The following MED24 variants were observed in gnomAD, a reference collection of about 807,000 sequenced individuals.
The protein encoded by MED24 is mediator complex subunit 24.
In MED24, 74 loss-of-function variants were observed where a neutral mutation model predicts 118.8. The ratio of observed to expected loss-of-function variants is 0.62; its 90% CI spans 0.52 to 0.76. The LOEUF is 0.76. Among genes scored for constraint, MED24 ranks in the 30% least tolerant of loss-of-function variants. The pLI is 0.00. For synonymous variants in MED24, 521 were observed against 523.9 expected (o/e 0.99, Z 0.08); for missense variants, 1,041 against 1,278.9 (o/e 0.81, Z 2.84).
At chr17:40,024,864 T>C (rs1475076030) in intron 19 of MED24, among the ~76,000 whole-genome samples, 1 of 152,084 alleles carries the variant, frequency 6.6e-6, no homozygotes, top group Admixed American at 6.5e-5. Context: ...GCCTCCCAAG[T>C]AGCTGGGATT....
At chr17:40,036,462 G>A (rs1325452689) in intron 3 of MED24, among the ~76,000 whole-genome samples, 2 of 152,092 alleles carry the variant, frequency 1.3e-5, no homozygotes, top group African/African-American at 2.4e-5. Flanking sequence ...AGGCCGAGGC[G>A]GGCGGATCAC....
At chr17:40,027,722 G>A in intron 15 of MED24, 187 bp downstream of exon 15, 1 of 717,064 alleles carries the variant, frequency 1.4e-6, no homozygotes, top group Non-Finnish European at 2.3e-6. Flanking sequence ...CACAGGGATG[G>A]TCTGGGAAGA....
chr17:40,049,433 C>G (rs113529370), intron 3 of MED24, among the ~76,000 whole-genome samples: 1 of 152,238 alleles, frequency 6.6e-6, no homozygotes, highest in Non-Finnish European at 1.5e-5. Flanking sequence ...ATTGTTCACA[C>G]TGGACTGGGT....
At chr17:40,021,868 C>G (rs1982053228) in intron 23 of MED24, 87 bp downstream of exon 23, 2 of 986,230 alleles carry the variant, frequency 2.0e-6, no homozygotes, top group African/African-American at 3.3e-5. Flanking sequence ...TGCAAAGATG[C>G]CTGCAGCTGG....
intron 5 of MED24, 95 bp downstream of exon 5, chr17:40,035,627 C>T: frequency 5.1e-6 from 7 of 1,366,148 alleles, no homozygotes; most frequent in Admixed American, 2.0e-5. Flanking sequence ...CGTTGGAACC[C>T]GGAGTTGGTC....
intron 24 of MED24, 161 bp from the exon 25 acceptor site, chr17:40,020,094 G>A (rs1426533543): frequency 3.0e-6 from 3 of 1,005,600 alleles, no homozygotes; most frequent in Non-Finnish European, 4.5e-6. Context: ...AATTGGGGAG[G>A]GGAGGAGGGG....
At chr17:40,032,882 C>G in intron 8 of MED24, 120 bp from the exon 9 acceptor site, 1 of 1,314,886 alleles carries the variant, frequency 7.6e-7, no homozygotes, top group Non-Finnish European at 1.1e-6. Context: ...CAGCTATGTG[C>G]TGAGAACCAG....
At position 40,022,716 on chromosome 17, in the gene MED24, G is replaced by A; in HGVS notation, c.2361C>T (p.Ile787=). The A allele has an allele frequency of 6.2e-7, 1 of 1,613,986 alleles. No homozygotes were observed. Among genetic ancestry groups the A allele is most frequent in the Non-Finnish European group, 8.5e-7 (1 of 1,179,982 alleles). The part of the protein sequence containing the change: ...QQVTLVLLGH[I]LPGLLTDSSK... Reference sequence around the variant, plus strand: ...AGGAGTCAGTGAGCAGGCCAGGTAGGATGTGGCCCAGCAGGACCAGGGTCA... The same window carrying A: ...AGGAGTCAGTGAGCAGGCCAGGTAGAATGTGGCCCAGCAGGACCAGGGTCA... Residue 787 remains isoleucine (I), a synonymous_variant, in exon 21 of 26, where the codon ATC becomes ATT. Coordinates refer to ENST00000394128, the MANE Select transcript of MED24 (RefSeq NM_014815.4).
At position 40,019,961 on chromosome 17, in the gene MED24, G is replaced by A; in HGVS notation, c.2705-28C>T. 1.9e-6 allele frequency: 3 copies of A among 1,555,084 alleles called. No homozygotes were observed. In the South Asian group the frequency reaches 3.6e-5, roughly 18 times the overall value. ...GTAGAGAGTGGGGGGAGAGTGACAG[G>A]AGGGAGTTCCATGAGAGTGGGTGAG... On this transcript the variant is annotated intron_variant, in intron 24 of 25. Coordinates refer to ENST00000394128, the MANE Select transcript of MED24 (RefSeq NM_014815.4).
chr17:40,020,050 A>C (rs1036342470), intron 24 of MED24, 117 bp from the exon 25 acceptor site: 3 of 1,292,826 alleles, frequency 2.3e-6, no homozygotes, highest in Admixed American at 2.0e-5. Flanking sequence ...CATGTCCCCA[A>C]AATGGGGTGT....
chr17:40,025,982 G>A (rs1982599505), intron 19 of MED24, among the ~76,000 whole-genome samples, 174 bp downstream of exon 19: 1 of 152,228 alleles, frequency 6.6e-6, no homozygotes, highest in African/African-American at 2.4e-5. Flanking sequence ...TTCTGCCACA[G>A]AGACACAGTA....
chr17:40,032,126 C>A, intron 9 of MED24, 36 bp from the exon 10 acceptor site: 1 of 1,606,920 alleles, frequency 6.2e-7, no homozygotes, highest in South Asian at 1.1e-5. Flanking sequence ...CAGGAAGATC[C>A]ATTTCTTTTC....
At chr17:40,038,986 G>A (rs933046912) in intron 3 of MED24, among the ~76,000 whole-genome samples, 3 of 152,252 alleles carry the variant, frequency 2.0e-5, no homozygotes, top group Middle Eastern at 3.4e-3. Context: ...TCCGGCGAGC[G>A]TTTTGTTTAT....
At chr17:40,049,270 A>C (rs1250951327) in intron 3 of MED24, among the ~76,000 whole-genome samples, 1 of 152,232 alleles carries the variant, frequency 6.6e-6, no homozygotes, top group Non-Finnish European at 1.5e-5. Flanking sequence ...AATTATTTTC[A>C]GTTCCTGAAC....
In MED24 at chr17:40,023,478, T is replaced by C. The variant is rs938221716; in HGVS notation, c.1986-83A>G. On this transcript the variant is annotated intron_variant, in intron 19 of 25. Coordinates refer to ENST00000394128, the MANE Select transcript of MED24 (RefSeq NM_014815.4). ...AGGAGGGAACACCCATGCCAGACTT[T>C]CCCTTGGACTTAGGTTACGGAAATC... is the stretch of plus-strand genomic sequence containing the variant. The C allele has an allele frequency of 9.6e-6, 13 of 1,349,704 alleles. No homozygotes were observed. In the African/African-American group the frequency reaches 1.6e-4, roughly 17 times the overall value. The allele number at this position is 1,349,704 out of a possible 1,614,324, so 83.6% of individuals were successfully genotyped here. A position where few individuals can be genotyped will look rare whatever the true frequency, so the allele number is the denominator to read the frequency against.
intron 3 of MED24, among the ~76,000 whole-genome samples, chr17:40,052,293 A>G (rs1243883834): frequency 6.6e-6 from 1 of 152,168 alleles, no homozygotes; most frequent in Non-Finnish European, 1.5e-5. Context: ...ACTCTGACTC[A>G]AAAAAAGGTA....
At position 40,043,890 on chromosome 17, in the gene MED24, C is replaced by CAAAAAAAAA. The variant is rs35743512; in HGVS notation, c.214-7745_214-7737dup. Among the ~76,000 whole-genome samples, 33 of 97,444 alleles carry CAAAAAAAAA rather than the reference C, an allele frequency of 3.4e-4. 2 individuals are homozygous for CAAAAAAAAA. Among genetic ancestry groups the CAAAAAAAAA allele is most frequent in the South Asian group, 7.1e-4 (2 of 2,816 alleles). 63.9% of individuals were successfully genotyped at this position (97,444 alleles called of 152,430 possible). On this transcript the variant is annotated intron_variant, in intron 3 of 25. Coordinates refer to ENST00000394128, the MANE Select transcript of MED24 (RefSeq NM_014815.4). ...TGGGCAGAAGAGCGAGACTCCATCT[C>CAAAAAAAAA]AAAAAAAAAAAAAACAAAGATTTAA...
chr17:40,027,072 G>T, intron 16 of MED24, 38 bp from the exon 17 acceptor site: 1 of 1,608,084 alleles, frequency 6.2e-7, no homozygotes, highest in South Asian at 1.1e-5. Context: ...CGAGTGGGGA[G>T]GGCGCGGCGC....
intron 3 of MED24, among the ~76,000 whole-genome samples, chr17:40,049,504 A>C (rs1985589695): frequency 6.6e-6 from 1 of 151,960 alleles, no homozygotes; most frequent in Admixed American, 6.6e-5. Flanking sequence ...TCACCTTACA[A>C]TTTTTTGACT....
Sources: gnomAD v4.1 joint callset for allele counts (sites outside exome capture counted in the v4.1 genomes callset) on GRCh38, gnomAD v4.1.1 for gene constraint, MANE v1.5 for transcripts, NCBI Gene and HGNC (gene_info 2026-07-23, HGNC 2026-07-21) for gene names.